SLC16A2: variants seen among roughly 807,000 people sequenced by gnomAD.
SLC16A2 encodes the protein solute carrier family 16 member 2.
In SLC16A2, 3 loss-of-function variants were observed where a neutral mutation model predicts 27.2. That is an observed-to-expected ratio of 0.11 (90% confidence interval 0.05 to 0.28). SLC16A2 has a LOEUF of 0.28. SLC16A2 is among the 10% of genes least tolerant of loss of function. SLC16A2 has a pLI of 1.00. For missense variants in SLC16A2, 295 were observed against 458.5 expected (o/e 0.64, Z 3.26); for synonymous variants, 202 against 187.8 (o/e 1.08, Z -0.62).
chrX:74,441,232 A>G (rs1333707641), intron 1 of SLC16A2, among the ~76,000 whole-genome samples: 1 of 110,890 alleles, frequency 9.0e-6, no homozygotes, highest in East Asian at 2.9e-4. Flanking sequence ...TAATTTTTGT[A>G]TTTTTAGTAG....
intron 4 of SLC16A2, among the ~76,000 whole-genome samples, 199 bp from the exon 5 acceptor site, chrX:74,529,014 T>A (rs1930525802): frequency 2.7e-5 from 3 of 112,182 alleles, no homozygotes; most frequent in Non-Finnish European, 3.8e-5. Flanking sequence ...AAGTAGGGGC[T>A]TTCTTGGACT....
At chrX:74,445,402 CAAG>C (rs774431239) in intron 1 of SLC16A2, among the ~76,000 whole-genome samples, 1 of 110,077 alleles carries the variant, frequency 9.1e-6, no homozygotes, top group Non-Finnish European at 1.9e-5. Flanking sequence ...TGTGTTCCTG[CAAG>C]AAGACTTATT....
chrX:74,430,997 C>T (rs753799841), intron 1 of SLC16A2, among the ~76,000 whole-genome samples: 33 of 112,812 alleles, frequency 2.9e-4, no homozygotes, highest in African/African-American at 1.1e-3. Context: ...CCTCCTTGGC[C>T]TCCCAAAGTG....
intron 1 of SLC16A2, among the ~76,000 whole-genome samples, chrX:74,425,654 C>T (rs1046753100): frequency 1.8e-5 from 2 of 110,595 alleles, no homozygotes; most frequent in Admixed American, 9.7e-5. Context: ...ATTGTAGGCC[C>T]CAGCTCAATA....
intron 1 of SLC16A2, among the ~76,000 whole-genome samples, chrX:74,499,270 C>G (rs779495506): frequency 9.1e-6 from 1 of 110,025 alleles, no homozygotes; most frequent in Non-Finnish European, 1.9e-5. Flanking sequence ...TCCTCTCTAT[C>G]CTTGATGTCT....
At chrX:74,529,155 G>T in intron 4 of SLC16A2, 58 bp from the exon 5 acceptor site, 1 of 807,974 alleles carries the variant, frequency 1.2e-6, no homozygotes. Flanking sequence ...AAGGAGATGT[G>T]ATGCTATGTG....
chrX:74,472,682 A>G (rs938208478), intron 1 of SLC16A2, among the ~76,000 whole-genome samples: 10 of 109,659 alleles, frequency 9.1e-5, no homozygotes, highest in African/African-American at 3.0e-4. Context: ...TTTTTTTTAA[A>G]AAGACATTTA....
intron 1 of SLC16A2, among the ~76,000 whole-genome samples, chrX:74,429,075 A>G (rs1928479823): frequency 9.0e-6 from 1 of 111,401 alleles, no homozygotes; most frequent in Non-Finnish European, 1.9e-5. Context: ...AACGAGAGTC[A>G]AAAGTGCCTT....
chrX:74,423,687 CT>C (rs766050203), intron 1 of SLC16A2, among the ~76,000 whole-genome samples: 1 of 112,210 alleles, frequency 8.9e-6, no homozygotes, highest in Non-Finnish European at 1.9e-5. Flanking sequence ...ACAGTCACCC[CT>C]GGGACCACCT....
At chrX:74,423,127 G>T (rs1250127136) in intron 1 of SLC16A2, among the ~76,000 whole-genome samples, 1 of 112,551 alleles carries the variant, frequency 8.9e-6, no homozygotes, top group Non-Finnish European at 1.9e-5. Flanking sequence ...CAGCAAAGCC[G>T]CTGGCGAAAT....
chrX:74,440,187 A>AT (rs1928716045), intron 1 of SLC16A2, among the ~76,000 whole-genome samples: 1 of 111,484 alleles, frequency 9.0e-6, no homozygotes, highest in Middle Eastern at 4.2e-3. Flanking sequence ...TAGGGTTATC[A>AT]TATCATTTAT....
chrX:74,525,970 G>C, intron 4 of SLC16A2, 77 bp downstream of exon 4: 1 of 1,092,212 alleles, frequency 9.2e-7, no homozygotes, highest in South Asian at 1.9e-5. Flanking sequence ...CTTTGGGATA[G>C]AATGGTAGCT....
intron 1 of SLC16A2, among the ~76,000 whole-genome samples, chrX:74,446,108 G>A (rs772676985): frequency 1.8e-5 from 2 of 110,752 alleles, no homozygotes; most frequent in African/African-American, 3.3e-5. Context: ...TGCTAGTTGC[G>A]GGTGCCAAGA....
chrX:74,452,549 T>C (rs1247098799), intron 1 of SLC16A2, among the ~76,000 whole-genome samples: 1 of 111,706 alleles, frequency 9.0e-6, no homozygotes, highest in Non-Finnish European at 1.9e-5. Flanking sequence ...TAGGGATAAT[T>C]AGTTTTGTGA....
chrX:74,432,212 G>T (rs1928546969), intron 1 of SLC16A2, among the ~76,000 whole-genome samples: 1 of 111,246 alleles, frequency 9.0e-6, no homozygotes, highest in South Asian at 3.8e-4. Flanking sequence ...CAGAGCCTCT[G>T]TTCTCCTGCA....
intron 1 of SLC16A2, among the ~76,000 whole-genome samples, chrX:74,478,208 T>A (rs1344679385): frequency 8.9e-6 from 1 of 112,166 alleles, no homozygotes; most frequent in African/African-American, 3.2e-5. Flanking sequence ...TAGTTAGCTC[T>A]TCTTGTTGAA....
rs1336867213 is a variant in SLC16A2 at position 74,532,898 on chromosome X, C to T, written c.*1345C>T. On this transcript the variant is annotated 3_prime_UTR_variant, in exon 6 of 6. Coordinates refer to ENST00000587091, the MANE Select transcript of SLC16A2 (RefSeq NM_006517.5). ...AGTAGGTGACTGATGCCTCCTTATG[C>T]CCAGGCTCTGGCAACAGTCTTACTG... is the stretch of plus-strand genomic sequence containing the variant. 2.7e-5 allele frequency: 3 copies of T among 112,168 alleles called. No homozygotes were observed. The highest frequency in any genetic ancestry group is 9.4e-5 in the Admixed American group (1 of 10,631). 9.2% of individuals were successfully genotyped at this position (112,168 alleles called of 1,213,427 possible). A position where few individuals can be genotyped will look rare whatever the true frequency, so the allele number is the denominator to read the frequency against.
chrX:74,502,294 C>T (rs907194958), intron 1 of SLC16A2, among the ~76,000 whole-genome samples: 1 of 111,914 alleles, frequency 8.9e-6, no homozygotes, highest in African/African-American at 3.3e-5. Context: ...AGGCTCCTTC[C>T]TACCCTCCCT....
chrX:74,509,358 G>A (rs1168220826), intron 1 of SLC16A2, among the ~76,000 whole-genome samples: 2 of 111,842 alleles, frequency 1.8e-5, no homozygotes, highest in Non-Finnish European at 3.8e-5. Flanking sequence ...GGTTGTGAAA[G>A]TTCCCTTGTA....
Sources: gnomAD v4.1 joint callset for allele counts (sites outside exome capture counted in the v4.1 genomes callset) on GRCh38, gnomAD v4.1.1 for gene constraint, MANE v1.5 for transcripts, NCBI Gene and HGNC (gene_info 2026-07-23, HGNC 2026-07-21) for gene names.